SLC10A7: variants seen among roughly 807,000 people sequenced by gnomAD.
SLC10A7 encodes solute carrier family 10 member 7, also known as sodium/bile acid cotransporter 7.
SLC10A7 carries 29 observed loss-of-function variants against 43.2 expected under a neutral mutation model. The observed-to-expected ratio is 0.67, with a 90% CI of 0.50 to 0.92. The LOEUF is 0.92. Ranked by LOEUF, SLC10A7 falls within the 40% of genes least tolerant of loss-of-function variation. The pLI is 0.00. For missense variants in SLC10A7, 295 were observed against 403.2 expected, an observed-to-expected ratio of 0.73 and a Z score of 2.30; for synonymous variants, 152 against 144.8, an observed-to-expected ratio of 1.05 and a Z score of -0.35.
chr4:146,480,389 T>C (rs1419054323), intron 4 of SLC10A7, among the ~76,000 whole-genome samples: 1 of 152,156 alleles, frequency 6.6e-6, no homozygotes, highest in African/African-American at 2.4e-5. Flanking sequence ...CAGTAGATTA[T>C]ACAAAGAGAT....
intron 4 of SLC10A7, among the ~76,000 whole-genome samples, chr4:146,480,513 G>C (rs969320229): frequency 6.6e-5 from 10 of 152,186 alleles, no homozygotes; most frequent in Middle Eastern, 6.8e-3. Context: ...ATTGTCATTA[G>C]CAGGCATCTC....
At chr4:146,275,655 A>C (rs1034262624) in intron 10 of SLC10A7, among the ~76,000 whole-genome samples, 2 of 152,198 alleles carry the variant, frequency 1.3e-5, no homozygotes, top group African/African-American at 4.8e-5. Context: ...CAGATAAGGT[A>C]TAAGCAGGAG....
chr4:146,473,992 G>C (rs528993163), intron 4 of SLC10A7, among the ~76,000 whole-genome samples: 2 of 152,138 alleles, frequency 1.3e-5, no homozygotes, highest in East Asian at 3.9e-4. Flanking sequence ...AAAGAGGTGA[G>C]CTTGACCATT....
intron 6 of SLC10A7, among the ~76,000 whole-genome samples, chr4:146,309,006 C>A (rs1030623048): frequency 6.6e-6 from 1 of 152,132 alleles, no homozygotes; most frequent in Admixed American, 6.6e-5. Flanking sequence ...CCCCTTGTGT[C>A]AAGCTGCTGC....
At chr4:146,328,477 G>A (rs1313672219) in intron 5 of SLC10A7, among the ~76,000 whole-genome samples, 1 of 152,094 alleles carries the variant, frequency 6.6e-6, no homozygotes. Context: ...ATCATCGGTG[G>A]ACCTTAGGAG....
At position 146,503,412 on chromosome 4, in the gene SLC10A7, C is replaced by T. The variant is rs569008425; in HGVS notation, c.396+437G>A. Among the ~76,000 whole-genome samples the T allele has an allele frequency of 3.8e-4, 58 of 152,314 alleles. No individual in the cohort carries two copies. In the South Asian group the frequency reaches 0.011, roughly 28 times the overall value. On this transcript the variant is annotated intron_variant, in intron 4 of 11. Transcript: ENST00000335472. ...CTTTGAATTCATCTAAGAAACCTAA[C>T]CTAATTTCTTCTTTTTATATCATCC...
chr4:146,511,052 G>A (rs1049718033), intron 2 of SLC10A7, among the ~76,000 whole-genome samples: 6 of 152,172 alleles, frequency 3.9e-5, no homozygotes, highest in South Asian at 2.1e-4. Flanking sequence ...CTGTTTTACC[G>A]ATGAAGAAAT....
At chr4:146,291,176 A>G (rs1730421404) in intron 9 of SLC10A7, among the ~76,000 whole-genome samples, 1 of 152,254 alleles carries the variant, frequency 6.6e-6, no homozygotes, top group African/African-American at 2.4e-5. Flanking sequence ...CCACAAGGAC[A>G]AGCAAACAAA....
At chr4:146,300,168 G>A (rs992656424) in intron 7 of SLC10A7, among the ~76,000 whole-genome samples, 3 of 152,124 alleles carry the variant, frequency 2.0e-5, no homozygotes, top group Non-Finnish European at 4.4e-5. Context: ...GTTAATCTGG[G>A]GTCTTGGTGA....
intron 7 of SLC10A7, among the ~76,000 whole-genome samples, chr4:146,305,318 C>T (rs1056560034): frequency 4.0e-5 from 6 of 150,842 alleles, no homozygotes; most frequent in Non-Finnish European, 7.4e-5. Context: ...AGTAAACTAT[C>T]GCAACAACAA....
chr4:146,363,588 T>C (rs1232383786), intron 5 of SLC10A7, among the ~76,000 whole-genome samples: 2 of 152,102 alleles, frequency 1.3e-5, no homozygotes, highest in South Asian at 2.1e-4. Flanking sequence ...TTTTGAAGAA[T>C]AGACCATGTG....
chr4:146,285,208 C>A (rs923237830), intron 9 of SLC10A7, among the ~76,000 whole-genome samples: 1 of 151,966 alleles, frequency 6.6e-6, no homozygotes, highest in African/African-American at 2.4e-5. Context: ...GGAGTTGGGA[C>A]AGTAGAATGA....
intron 4 of SLC10A7, among the ~76,000 whole-genome samples, chr4:146,455,629 C>T (rs1306682622): frequency 4.6e-5 from 7 of 151,846 alleles, no homozygotes; most frequent in African/African-American, 9.7e-5. Flanking sequence ...TTCCTACCAT[C>T]TTCTGGGAAA....
At chr4:146,367,923 T>G (rs1001953297) in intron 5 of SLC10A7, among the ~76,000 whole-genome samples, 12 of 152,200 alleles carry the variant, frequency 7.9e-5, no homozygotes, top group African/African-American at 2.9e-4. Context: ...CAATAGCAAG[T>G]GACAAAGGCA....
intron 10 of SLC10A7, among the ~76,000 whole-genome samples, chr4:146,280,199 T>C (rs558003547): frequency 1.3e-5 from 2 of 152,324 alleles, no homozygotes; most frequent in South Asian, 4.1e-4. Flanking sequence ...CACACACATA[T>C]ATAATCAGAA....
At chr4:146,285,615 G>T (rs1219089902) in intron 9 of SLC10A7, among the ~76,000 whole-genome samples, 1 of 152,150 alleles carries the variant, frequency 6.6e-6, no homozygotes, top group Non-Finnish European at 1.5e-5. Context: ...TGCTTTGAGA[G>T]AGAAGGAAGA....
At chr4:146,286,411 G>A (rs866358638) in intron 9 of SLC10A7, among the ~76,000 whole-genome samples, 14 of 147,418 alleles carry the variant, frequency 9.5e-5, no homozygotes, top group African/African-American at 3.4e-4. Flanking sequence ...GTGGTGAGAA[G>A]GACTGTGTTT....
rs576436492 is a variant in SLC10A7, at chr4:146,343,788, C to T, written c.436-17792G>A. 2.0e-5 allele frequency among the ~76,000 whole-genome samples: 3 copies of T among 151,964 alleles called. No individual in the cohort carries two copies. The South Asian group carries it at 6.2e-4, about 32-fold the overall frequency. On this transcript the variant is annotated intron_variant, in intron 5 of 11. Transcript: ENST00000335472. Reference sequence around the variant, plus strand: ...CAATAAAAAAAGGATAGAATTTATTCCCACTAGTAGTGATGGTGGAACTTA... The same window carrying T: ...CAATAAAAAAAGGATAGAATTTATTTCCACTAGTAGTGATGGTGGAACTTA...
chr4:146,433,802 T>C (rs1729979129), intron 5 of SLC10A7, among the ~76,000 whole-genome samples: 1 of 152,108 alleles, frequency 6.6e-6, no homozygotes, highest in South Asian at 2.1e-4. Flanking sequence ...CAGTGAGCTA[T>C]GATCATGCCA....
Sources: allele counts gnomAD v4.1 joint callset (sites outside exome capture counted in the v4.1 genomes callset), GRCh38; gene constraint gnomAD v4.1.1; transcripts MANE v1.5; gene names NCBI Gene and HGNC (gene_info 2026-07-23, HGNC 2026-07-21).